The following ENOX1 variants were observed in gnomAD, a reference collection of about 807,000 sequenced individuals.
ENOX1 encodes ecto-NOX disulfide-thiol exchanger 1, also known as candidate growth-related and time keeping constitutive hydroquinone (NADH) oxidase.
Under a neutral mutation model 82.5 loss-of-function variants are expected in ENOX1, and 42 were observed. The observed-to-expected ratio is 0.51, with a 90% CI of 0.40 to 0.66. The LOEUF (loss-of-function observed/expected upper bound fraction) is 0.66, where lower values mean the gene tolerates loss of function less well. Among genes scored for constraint, ENOX1 ranks in the 30% least tolerant of loss-of-function variants. The pLI is 0.00. For synonymous variants in ENOX1, 271 were observed against 282.2 expected, an observed-to-expected ratio of 0.96 and a Z score of 0.40; for missense variants, 608 against 811.6, an observed-to-expected ratio of 0.75 and a Z score of 3.05.
rs1023039463 is a variant in ENOX1, at chr13:43,666,884, T to C, written c.-219+595A>G. Among the ~76,000 whole-genome samples, 9 of 152,210 alleles carry C rather than the reference T, an allele frequency of 5.9e-5. No individual in the cohort carries two copies. In the East Asian group the frequency reaches 1.7e-3, roughly 29 times the overall value. On this transcript the variant is annotated intron_variant, in intron 2 of 16. Coordinates refer to ENST00000690772, the MANE Select transcript of ENOX1 (RefSeq NM_001347969.2). Reference sequence around the variant, plus strand: ...ATCCACGTCAGTTCTATAAAGGGCATCAAAGAAAAAGATAGCTCATATCCT... The same window carrying C: ...ATCCACGTCAGTTCTATAAAGGGCACCAAAGAAAAAGATAGCTCATATCCT...
intron 13 of ENOX1, among the ~76,000 whole-genome samples, chr13:43,266,198 C>T (rs896552018): frequency 1.3e-5 from 2 of 152,144 alleles, no homozygotes; most frequent in African/African-American, 2.4e-5. Context: ...GGTGAGCTGG[C>T]TTGCAACTGT....
At chr13:43,381,678 G>C (rs2052058838) in intron 5 of ENOX1, among the ~76,000 whole-genome samples, 1 of 151,488 alleles carries the variant, frequency 6.6e-6, no homozygotes. Context: ...GCTAATATTA[G>C]ACATAAGGAA....
chr13:43,576,009 TCTA>T (rs2080406206), intron 2 of ENOX1, among the ~76,000 whole-genome samples: 1 of 152,196 alleles, frequency 6.6e-6, no homozygotes, highest in Non-Finnish European at 1.5e-5. Context: ...GCCCTTGTAG[TCTA>T]ATGAGAAACG....
chr13:43,225,042 T>C (rs1360585970), intron 15 of ENOX1, among the ~76,000 whole-genome samples: 2 of 152,124 alleles, frequency 1.3e-5, no homozygotes, highest in African/African-American at 2.4e-5. Flanking sequence ...CAGTGGTGGA[T>C]TGCATAAAGA....
intron 2 of ENOX1, among the ~76,000 whole-genome samples, chr13:43,543,471 T>C (rs763360442): frequency 6.6e-6 from 1 of 152,072 alleles, no homozygotes; most frequent in Non-Finnish European, 1.5e-5. Context: ...TGATTTATCA[T>C]ATAAAATGCT....
chr13:43,680,592 T>A (rs995440851), intron 1 of ENOX1, among the ~76,000 whole-genome samples: 6 of 152,196 alleles, frequency 3.9e-5, no homozygotes, highest in African/African-American at 1.4e-4. Flanking sequence ...ACTGTAAAAC[T>A]TCGGCAAGTT....
Position 43,518,647 on chromosome 13 carries a change from C to T in ENOX1, c.-218-34495G>A, listed in dbSNP as rs187164926. Among the ~76,000 whole-genome samples the T allele has an allele frequency of 7.2e-5, 11 of 152,178 alleles. No individual in the cohort carries two copies. The East Asian group carries it at 1.9e-3, about 27-fold the overall frequency. Reference sequence around the variant, plus strand: ...TTTTGTTCATGCAATAGTACAGAATCCACAAATCTTAAACTCCATTTAACC... The same window carrying T: ...TTTTGTTCATGCAATAGTACAGAATTCACAAATCTTAAACTCCATTTAACC... On this transcript the variant is annotated intron_variant, in intron 2 of 16. Transcript: ENST00000690772.
At chr13:43,684,806 G>GA (rs536842028) in intron 1 of ENOX1, among the ~76,000 whole-genome samples, 172 of 152,236 alleles carry the variant, frequency 1.1e-3, no homozygotes, top group Non-Finnish European at 2.1e-3. Flanking sequence ...CATAGACAGC[G>GA]AAAGTTGTGT....
At chr13:43,473,524 T>C (rs1279740511) in intron 3 of ENOX1, among the ~76,000 whole-genome samples, 5 of 152,196 alleles carry the variant, frequency 3.3e-5, no homozygotes, top group African/African-American at 7.2e-5. Flanking sequence ...TCAAGTGTTG[T>C]CCACATTTTA....
Position 43,362,471 on chromosome 13 carries a change from C to T in ENOX1, c.209-1019G>A, listed in dbSNP as rs548246141. On this transcript the variant is annotated intron_variant, in intron 5 of 16. Transcript: ENST00000690772. ...CCTCCTCTACTCTGCAAGGATGAAA[C>T]TTCCTTCTTGTCTCATACCATCCTA... 1.2e-4 allele frequency among the ~76,000 whole-genome samples: 18 copies of T among 152,204 alleles called. No homozygotes were observed. In the South Asian group the frequency reaches 3.7e-3, roughly 32 times the overall value.
In ENOX1 at chr13:43,287,322, T is replaced by C. The variant is rs914811402; in HGVS notation, c.1446+11024A>G. 1.2e-4 allele frequency among the ~76,000 whole-genome samples: 19 copies of C among 152,320 alleles called. No individual in the cohort carries two copies. The East Asian group carries it at 3.1e-3, about 25-fold the overall frequency. On this transcript the variant is annotated intron_variant, in intron 12 of 16. Coordinates refer to ENST00000690772, the MANE Select transcript of ENOX1 (RefSeq NM_001347969.2). ...CGACTAACTCTGTGAGCCTGAGTCT[T>C]CTTTTAAGCCTCAACATCTTTTCAT...
chr13:43,479,249 C>T (rs2058415131), intron 3 of ENOX1, among the ~76,000 whole-genome samples: 2 of 152,076 alleles, frequency 1.3e-5, no homozygotes, highest in African/African-American at 4.8e-5. Context: ...CCCCACAAAC[C>T]GATCCTTGAT....
chr13:43,748,209 A>C (rs1950129574), intron 1 of ENOX1, among the ~76,000 whole-genome samples: 1 of 152,158 alleles, frequency 6.6e-6, no homozygotes, highest in Admixed American at 6.6e-5. Flanking sequence ...TCATTCATTT[A>C]CATATTTTAC....
At chr13:43,312,394 T>C (rs971624374) in intron 11 of ENOX1, among the ~76,000 whole-genome samples, 2 of 152,164 alleles carry the variant, frequency 1.3e-5, no homozygotes, top group Non-Finnish European at 2.9e-5. Context: ...CTGGTGATCC[T>C]CAGGTAGGCT....
chr13:43,617,945 T>C (rs550038401), intron 2 of ENOX1, among the ~76,000 whole-genome samples: 1 of 152,188 alleles, frequency 6.6e-6, no homozygotes, highest in Non-Finnish European at 1.5e-5. Flanking sequence ...AATGAGCTGG[T>C]ATCCCATTGT....
chr13:43,341,722 T>C (rs953351976), intron 9 of ENOX1, among the ~76,000 whole-genome samples: 2 of 152,352 alleles, frequency 1.3e-5, no homozygotes, highest in East Asian at 1.9e-4. Flanking sequence ...GCACTCTGTA[T>C]GGCAAAAACT....
intron 3 of ENOX1, among the ~76,000 whole-genome samples, chr13:43,474,492 G>A (rs1317141445): frequency 6.6e-6 from 1 of 152,076 alleles, no homozygotes; most frequent in Non-Finnish European, 1.5e-5. Context: ...GCTTAGACCT[G>A]TTAATCTAAT....
At chr13:43,664,632 T>G (rs2084891056) in intron 2 of ENOX1, among the ~76,000 whole-genome samples, 1 of 152,184 alleles carries the variant, frequency 6.6e-6, no homozygotes, top group Admixed American at 6.5e-5. Context: ...CCTATAGACA[T>G]GCCCACAAGC....
chr13:43,318,950 G>A (rs1194957529), intron 11 of ENOX1, among the ~76,000 whole-genome samples: 3 of 151,946 alleles, frequency 2.0e-5, no homozygotes, highest in Non-Finnish European at 4.4e-5. Context: ...ACGCTATCCC[G>A]CCCCACAGAG....
Sources: gnomAD v4.1 joint callset for allele counts (sites outside exome capture counted in the v4.1 genomes callset) on GRCh38, gnomAD v4.1.1 for gene constraint, MANE v1.5 for transcripts, NCBI Gene and HGNC (gene_info 2026-07-23, HGNC 2026-07-21) for gene names.